TMEM79: variants seen among roughly 807,000 people sequenced by gnomAD.
TMEM79 encodes the protein mattrin.
TMEM79 carries 30 observed loss-of-function variants against 31.2 expected under a neutral mutation model. The observed-to-expected ratio is 0.96, with a 90% CI of 0.72 to 1.30. The LOEUF (loss-of-function observed/expected upper bound fraction) is 1.30. TMEM79 is among the 50% of genes most tolerant of loss of function. The probability of loss-of-function intolerance (pLI) is 0.00; values close to 1 mark genes in which losing one functional copy is unlikely to be tolerated. For synonymous variants in TMEM79, 213 were observed against 229.5 expected (o/e 0.93, Z 0.65); for missense variants, 509 against 528.2 (o/e 0.96, Z 0.36).
Position 156,285,958 on chromosome 1 carries a change from CT to C in TMEM79, c.735del (p.Phe245LeufsTer15), listed in dbSNP as rs1663147490. The C allele has an allele frequency of 6.2e-7, 1 of 1,609,088 alleles. No individual in the cohort carries two copies. Among genetic ancestry groups the C allele is most frequent in the African/African-American group, 1.3e-5 (1 of 74,888 alleles). On this transcript the variant is annotated frameshift_variant, in exon 2 of 4. Coordinates refer to ENST00000405535, the MANE Select transcript of TMEM79 (RefSeq NM_032323.3). LOFTEE classifies it high-confidence loss of function. The part of the protein sequence containing the change: ...RLIYTLRCGV[F>X]ATFPIVLGIL... ...TGATCTACACACTGCGCTGCGGGGT[CT>C]TTGCCACCTTCCCCATTGTGCTGGG...
intron 3 of TMEM79, 125 bp downstream of exon 3, chr1:156,286,598 G>T: frequency 1.1e-6 from 1 of 925,480 alleles, no homozygotes; most frequent in Non-Finnish European, 1.6e-6. Flanking sequence ...TGTGTGCCCT[G>T]GGGAGATAAG....
In TMEM79 at chr1:156,284,346, G is replaced by T. The variant is rs1262046324; in HGVS notation, c.-104G>T. On this transcript the variant is annotated 5_prime_UTR_variant, in exon 1 of 4. Coordinates refer to ENST00000405535, the MANE Select transcript of TMEM79 (RefSeq NM_032323.3). ...ACTTGCAGAGCCAGCAGGTAGCTGG[G>T]CAGCTCCTTCCCGGACGGACGGATG... 2 of 152,296 alleles carry T rather than the reference G, an allele frequency of 1.3e-5. No individual in the cohort carries two copies. Among genetic ancestry groups the T allele is most frequent in the African/African-American group, 4.8e-5 (2 of 41,424 alleles). The allele number at this position is 152,296 out of a possible 1,614,324, so 9.4% of individuals were successfully genotyped here.
intron 3 of TMEM79, among the ~76,000 whole-genome samples, chr1:156,289,853 C>T (rs1340298730): frequency 6.6e-6 from 1 of 152,226 alleles, no homozygotes. Flanking sequence ...ATATCTTCCA[C>T]GAAATCTGTG....
At chr1:156,289,471 G>C (rs1001247941) in intron 3 of TMEM79, among the ~76,000 whole-genome samples, 1 of 152,194 alleles carries the variant, frequency 6.6e-6, no homozygotes, top group African/African-American at 2.4e-5. Context: ...AATTAGCCGG[G>C]CATGGTGGTG....
At chr1:156,288,879 A>G (rs1449010870) in intron 3 of TMEM79, among the ~76,000 whole-genome samples, 1 of 152,162 alleles carries the variant, frequency 6.6e-6, no homozygotes, top group Non-Finnish European at 1.5e-5. Context: ...CTGGTTTCAG[A>G]TAGAAGTTGG....
chr1:156,291,250 G>T, intron 3 of TMEM79, 135 bp from the exon 4 acceptor site: 1 of 698,536 alleles, frequency 1.4e-6, no homozygotes. Flanking sequence ...ATAAACTTTG[G>T]CTGTATTTGG....
In TMEM79 at chr1:156,291,795, C is replaced by CA; in HGVS notation, c.*198dup. 2 of 609,442 alleles carry CA rather than the reference C, an allele frequency of 3.3e-6. No homozygotes were observed. Among genetic ancestry groups the CA allele is most frequent in the Non-Finnish European group, 5.8e-6 (2 of 341,930 alleles). 37.8% of individuals were successfully genotyped at this position (609,442 alleles called of 1,614,324 possible). A position where few individuals can be genotyped will look rare whatever the true frequency, so the allele number is the denominator to read the frequency against. On this transcript the variant is annotated 3_prime_UTR_variant, in exon 4 of 4. Transcript: ENST00000405535. ...TGCCCTTCACCTTTGGGGCCCGAGA[C>CA]AGTCATAAGGGATGGACTTAGTTTT...
rs138674725 is a variant in TMEM79 at position 156,286,325 on chromosome 1, C to T, written c.823C>T (p.Arg275Trp). ...CCTTCGGCCCTTTGGGGAGCCACGG[C>T]GGGAGGTGGAGATCCACCGGCGATA... is the stretch of plus-strand genomic sequence containing the variant. ...SALRPFGEPR[R>W]EVEIHRRYVA... The change falls in exon 3 of 4, where the codon CGG (arginine) becomes TGG (tryptophan). Residue 275 changes from arginine to tryptophan, a missense_variant. Transcript: ENST00000405535. The T allele has an allele frequency of 6.4e-5, 103 of 1,614,196 alleles. No homozygotes were observed. The African/African-American group carries it at 9.7e-4, about 15-fold the overall frequency.
In TMEM79 at chr1:156,291,911, C is replaced by A. The variant is rs1275157851; in HGVS notation, c.*313C>A. ...GGGAGAGGCACAGCTCCTTCCTGAG[C>A]AGCCTCTCACCACTGCCACAAGGCT... On this transcript the variant is annotated 3_prime_UTR_variant, in exon 4 of 4. Coordinates refer to ENST00000405535, the MANE Select transcript of TMEM79 (RefSeq NM_032323.3). The A allele has an allele frequency of 1.7e-6, 1 of 573,788 alleles. No homozygotes were observed. The highest frequency in any genetic ancestry group is 3.0e-5 in the Admixed American group (1 of 32,834). 35.5% of individuals were successfully genotyped at this position (573,788 alleles called of 1,614,324 possible).
chr1:156,291,707 GT>G lies in TMEM79; in HGVS notation c.*110del, dbSNP rs1322684209. On this transcript the variant is annotated 3_prime_UTR_variant, in exon 4 of 4. Transcript: ENST00000405535. Reference sequence around the variant, plus strand: ...GCCCCCAGGCCTAGGACCGCGGTGGGTGGAACCCTGCTACTGCCCCAACAGG... The same window carrying G: ...GCCCCCAGGCCTAGGACCGCGGTGGGGGAACCCTGCTACTGCCCCAACAGG... The G allele has an allele frequency of 1.1e-6, 1 of 927,742 alleles. No individual in the cohort carries two copies. The highest frequency in any genetic ancestry group is 1.6e-5 in the African/African-American group (1 of 61,146). 57.5% of individuals were successfully genotyped at this position (927,742 alleles called of 1,614,324 possible).
rs140033065 is a variant in TMEM79 at position 156,285,769 on chromosome 1, G to T, written c.543G>T (p.Pro181=). The change falls in exon 2 of 4, where the codon CCG becomes CCT. Residue 181 remains proline, a synonymous_variant. Transcript: ENST00000405535. The part of the protein sequence containing the change: ...ERKWAEAVVR[P]PGCSCGGCGS... The stretch of plus-strand genomic sequence containing the variant: ...AGTGGGCTGAGGCAGTGGTGAGGCC[G>T]CCTGGCTGTTCCTGTGGGGGCTGCG... 6.2e-7 allele frequency: 1 copy of T among 1,613,174 alleles called. No individual in the cohort carries two copies. Among genetic ancestry groups the T allele is most frequent in the Non-Finnish European group, 8.5e-7 (1 of 1,179,950 alleles).
intron 3 of TMEM79, among the ~76,000 whole-genome samples, chr1:156,288,602 T>G (rs1258547107): frequency 6.6e-6 from 1 of 152,092 alleles, no homozygotes; most frequent in African/African-American, 2.4e-5. Context: ...CCACCCAAAG[T>G]GCTGGGATTA....
At position 156,286,188 on chromosome 1, in the gene TMEM79, C is replaced by T; in HGVS notation, c.758-72C>T. On this transcript the variant is annotated intron_variant, in intron 2 of 3. Coordinates refer to ENST00000405535, the MANE Select transcript of TMEM79 (RefSeq NM_032323.3). ...CCATGCACTGCCCACAGTGAATCTG[C>T]CCCCAGCTTACTGCCTCTTGTGCCC... The T allele has an allele frequency of 2.0e-6, 3 of 1,496,112 alleles. 1 individual carries two copies. The highest frequency in any genetic ancestry group is 2.4e-5 in the South Asian group (2 of 83,826). The allele number at this position is 1,496,112 out of a possible 1,614,324, so 92.7% of individuals were successfully genotyped here.
chr1:156,291,269 G>C, intron 3 of TMEM79, 116 bp from the exon 4 acceptor site: 1 of 860,806 alleles, frequency 1.2e-6, no homozygotes, highest in Admixed American at 2.0e-5. Context: ...GGAAGTACCA[G>C]CCATACCCAC....
chr1:156,291,757 C>G lies in TMEM79; in HGVS notation c.*159C>G, dbSNP rs1054599484. ...GGGACTCCAATCAATCGGAGTTCTC[C>G]CCTTGCCGGAGCTGCCCTTCACCTT... On this transcript the variant is annotated 3_prime_UTR_variant, in exon 4 of 4. Coordinates refer to ENST00000405535, the MANE Select transcript of TMEM79 (RefSeq NM_032323.3). 6.1e-6 allele frequency: 4 copies of G among 657,764 alleles called. No individual in the cohort carries two copies. Among genetic ancestry groups the G allele is most frequent in the South Asian group, 5.3e-5 (3 of 56,514 alleles). The allele number at this position is 657,764 out of a possible 1,614,324, so 40.7% of individuals were successfully genotyped here.
At chr1:156,286,860 AT>A (rs1440622820) in intron 3 of TMEM79, among the ~76,000 whole-genome samples, 1 of 152,246 alleles carries the variant, frequency 6.6e-6, no homozygotes, top group African/African-American at 2.4e-5. Context: ...GCAGTGGCTC[AT>A]GCCTGTAATC....
chr1:156,285,214 C>G lies in TMEM79; in HGVS notation c.-13C>G. ...CATGACCTTGTGGTAGATCCCAGAA[C>G]TGAGGCCCCAGGATGACAGAACAGG... is the stretch of plus-strand genomic sequence containing the variant. On this transcript the variant is annotated 5_prime_UTR_variant, in exon 2 of 4. Transcript: ENST00000405535. 1 of 1,523,746 alleles carries G rather than the reference C, an allele frequency of 6.6e-7. No homozygotes were observed. The allele number at this position is 1,523,746 out of a possible 1,614,324, so 94.4% of individuals were successfully genotyped here. A position where few individuals can be genotyped will look rare whatever the true frequency, so the allele number is the denominator to read the frequency against.
intron 1 of TMEM79, among the ~76,000 whole-genome samples, chr1:156,284,822 A>G (rs1412387886): frequency 6.6e-6 from 1 of 152,134 alleles, no homozygotes; most frequent in African/African-American, 2.4e-5. Flanking sequence ...AAAGTTCTAG[A>G]CACCTCTTCT....
Position 156,291,713 on chromosome 1 carries a change from C to A in TMEM79, c.*115C>A. ...AGGCCTAGGACCGCGGTGGGTGGAA[C>A]CCTGCTACTGCCCCAACAGGGACTC... On this transcript the variant is annotated 3_prime_UTR_variant, in exon 4 of 4. Coordinates refer to ENST00000405535, the MANE Select transcript of TMEM79 (RefSeq NM_032323.3). 1 of 877,752 alleles carries A rather than the reference C, an allele frequency of 1.1e-6. No homozygotes were observed. The highest frequency in any genetic ancestry group is 1.8e-6 in the Non-Finnish European group (1 of 549,050). The allele number at this position is 877,752 out of a possible 1,614,324, so 54.4% of individuals were successfully genotyped here.
Sources: allele counts gnomAD v4.1 joint callset (sites outside exome capture counted in the v4.1 genomes callset), GRCh38; gene constraint gnomAD v4.1.1; transcripts MANE v1.5; gene names NCBI Gene and HGNC (gene_info 2026-07-23, HGNC 2026-07-21).